The following FAM219A variants were observed in gnomAD, a reference collection of about 807,000 sequenced individuals.
FAM219A encodes the protein family with sequence similarity 219 member A, also known as protein FAM219A.
A neutral mutation model predicts 23.4 loss-of-function variants in FAM219A; 7 were observed. The ratio of observed to expected loss-of-function variants is 0.30; its 90% CI spans 0.17 to 0.56. FAM219A has a LOEUF of 0.56. Among genes scored for constraint, FAM219A ranks in the 20% least tolerant of loss-of-function variants. The pLI is 0.92. For missense variants in FAM219A, 166 were observed against 246.9 expected, an observed-to-expected ratio of 0.67 and a Z score of 2.20; for synonymous variants, 93 against 99.0, an observed-to-expected ratio of 0.94 and a Z score of 0.36.
intron 2 of FAM219A, among the ~76,000 whole-genome samples, chr9:34,404,462 C>T (rs992849989): frequency 5.3e-5 from 8 of 152,190 alleles, no homozygotes; most frequent in African/African-American, 1.9e-4. Flanking sequence ...AATCCCAGCA[C>T]TCTGGGAGGC....
At chr9:34,425,472 C>A (rs990927928) in intron 1 of FAM219A, among the ~76,000 whole-genome samples, 3 of 152,154 alleles carry the variant, frequency 2.0e-5, no homozygotes, top group Non-Finnish European at 4.4e-5. Context: ...AAGAACAAAA[C>A]TCTGTCTTAA....
intron 1 of FAM219A, among the ~76,000 whole-genome samples, chr9:34,421,683 A>AC (rs1822290863): frequency 6.7e-6 from 1 of 149,124 alleles, no homozygotes; most frequent in South Asian, 2.1e-4. Context: ...CTCTGAGTAC[A>AC]CCCCCCTGCC....
At position 34,401,805 on chromosome 9, in the gene FAM219A, T is replaced by A. The variant is rs559142115; in HGVS notation, c.345-85A>T. On this transcript the variant is annotated intron_variant, in intron 4 of 5. Coordinates refer to ENST00000651358, the MANE Select transcript of FAM219A (RefSeq NM_001184940.2). The stretch of plus-strand genomic sequence containing the variant: ...CAATCCCACCTCCCATTAGGCAGCA[T>A]CCTATACCTCCCTTACAGTTCCAAA... 1.9e-4 allele frequency: 264 copies of A among 1,383,488 alleles called. 2 individuals carry two copies. In the Middle Eastern group the frequency reaches 3.0e-3, roughly 16 times the overall value. The allele number at this position is 1,383,488 out of a possible 1,614,324, so 85.7% of individuals were successfully genotyped here.
At chr9:34,402,625 G>C in intron 3 of FAM219A, 80 bp downstream of exon 3, 1 of 1,564,042 alleles carries the variant, frequency 6.4e-7, no homozygotes, top group Non-Finnish European at 8.8e-7. Flanking sequence ...CCTGAGGAGG[G>C]AGGGAAGAGG....
chr9:34,452,341 T>C (rs973642472), intron 1 of FAM219A, among the ~76,000 whole-genome samples: 3 of 152,194 alleles, frequency 2.0e-5, no homozygotes, highest in Admixed American at 6.5e-5. Context: ...TTCTCTGTTA[T>C]AAGAAGTCCC....
At chr9:34,427,453 A>G (rs1354228999) in intron 1 of FAM219A, among the ~76,000 whole-genome samples, 1 of 152,166 alleles carries the variant, frequency 6.6e-6, no homozygotes, top group East Asian at 1.9e-4. Flanking sequence ...ATCCTTCTAT[A>G]ATGTAGTCTC....
At chr9:34,412,218 A>G (rs919833419) in intron 1 of FAM219A, among the ~76,000 whole-genome samples, 4 of 152,220 alleles carry the variant, frequency 2.6e-5, no homozygotes, top group African/African-American at 9.6e-5. Context: ...AATGCCAGCA[A>G]GAGATAATAG....
At chr9:34,440,124 G>A (rs1003317820) in intron 1 of FAM219A, among the ~76,000 whole-genome samples, 6 of 152,186 alleles carry the variant, frequency 3.9e-5, no homozygotes, top group Non-Finnish European at 7.3e-5. Context: ...GCTCTTATCA[G>A]GAATCCTGTA....
intron 1 of FAM219A, 68 bp from the exon 2 acceptor site, chr9:34,406,032 G>T: frequency 6.9e-7 from 1 of 1,448,542 alleles, no homozygotes; most frequent in South Asian, 1.3e-5. Context: ...TCTCAGTCCT[G>T]AAGCTAGCCT....
intron 1 of FAM219A, among the ~76,000 whole-genome samples, chr9:34,411,605 A>G (rs1321042488): frequency 6.7e-6 from 1 of 148,714 alleles, no homozygotes; most frequent in African/African-American, 2.5e-5. Flanking sequence ...AGAACCCGGG[A>G]GGCGGAGCTT....
chr9:34,439,542 A>G (rs1350368435), intron 1 of FAM219A, among the ~76,000 whole-genome samples: 1 of 152,188 alleles, frequency 6.6e-6, no homozygotes, highest in African/African-American at 2.4e-5. Flanking sequence ...AATAAGGGGA[A>G]GACTACTGAC....
At chr9:34,424,397 G>C (rs1822382543) in intron 1 of FAM219A, among the ~76,000 whole-genome samples, 2 of 151,836 alleles carry the variant, frequency 1.3e-5, no homozygotes, top group Non-Finnish European at 2.9e-5. Context: ...GAAAAGTCCA[G>C]TCACGGTCCA....
chr9:34,423,670 G>A (rs1258302938), intron 1 of FAM219A, among the ~76,000 whole-genome samples: 3 of 152,168 alleles, frequency 2.0e-5, no homozygotes, highest in African/African-American at 7.2e-5. Flanking sequence ...GCAGGTCCAA[G>A]GAATAGGCAG....
chr9:34,430,803 T>C (rs566313584), intron 1 of FAM219A, among the ~76,000 whole-genome samples: 3 of 151,280 alleles, frequency 2.0e-5, no homozygotes, highest in African/African-American at 7.3e-5. Flanking sequence ...GATCATGCCA[T>C]TACACTCCAG....
chr9:34,406,433 T>C, intron 1 of FAM219A: 1 of 985,298 alleles, frequency 1.0e-6, no homozygotes, highest in Non-Finnish European at 1.2e-6. Context: ...GCTGGACAGG[T>C]CCCTTCACAG....
intron 1 of FAM219A, chr9:34,406,552 A>G: frequency 2.2e-6 from 2 of 926,328 alleles, no homozygotes; most frequent in Non-Finnish European, 2.6e-6. Context: ...ACACCTAAAG[A>G]GTGTCTCCGG....
chr9:34,436,817 C>G (rs1447321770), intron 1 of FAM219A, among the ~76,000 whole-genome samples: 1 of 152,172 alleles, frequency 6.6e-6, no homozygotes, highest in Non-Finnish European at 1.5e-5. Context: ...CTTAATGTCC[C>G]TTTCCTTTCA....
rs1409111202 is a variant in FAM219A at position 34,457,730 on chromosome 9, C to T, written c.60+474G>A. ...CGGCCCAGCGTTCCTGTCCGTATAT[C>T]CAGCGGACAGGCGGGCAAGCCCCTC... is the stretch of plus-strand genomic sequence containing the variant. On this transcript the variant is annotated intron_variant, in intron 1 of 5. Coordinates refer to ENST00000651358, the MANE Select transcript of FAM219A (RefSeq NM_001184940.2). This position sits in a 1 kb window ranked among gnomAD's most constrained non-coding sequence, Gnocchi z 5.1. Among the ~76,000 whole-genome samples, 1 of 151,858 alleles carries T rather than the reference C, an allele frequency of 6.6e-6. No homozygotes were observed. The highest frequency in any genetic ancestry group is 1.5e-5 in the Non-Finnish European group (1 of 67,970).
At chr9:34,409,262 A>G (rs927868447) in intron 1 of FAM219A, among the ~76,000 whole-genome samples, 1 of 152,256 alleles carries the variant, frequency 6.6e-6, no homozygotes, top group Non-Finnish European at 1.5e-5. Context: ...AGCCTTTACT[A>G]TGAGCTTCCT....
Sources: gnomAD v4.1 joint callset for allele counts (sites outside exome capture counted in the v4.1 genomes callset) on GRCh38, gnomAD v4.1.1 for gene constraint, Gnocchi (gnomAD v3.1) non-coding constraint, MANE v1.5 for transcripts, NCBI Gene and HGNC (gene_info 2026-07-23, HGNC 2026-07-21) for gene names.